The following APOBEC3H variants were observed in gnomAD, a reference collection of about 807,000 sequenced individuals.
APOBEC3H encodes the protein apolipoprotein B mRNA editing enzyme catalytic subunit 3H.
In APOBEC3H, 8 loss-of-function variants were observed where a neutral mutation model predicts 21.2. The observed-to-expected ratio is 0.38, with a 90% confidence interval of 0.22 to 0.68. The LOEUF (loss-of-function observed/expected upper bound fraction) is 0.68. APOBEC3H is among the 30% of genes least tolerant of loss of function. APOBEC3H has a pLI of 0.52. For synonymous variants in APOBEC3H, 88 were observed against 91.0 expected, an observed-to-expected ratio of 0.97 and a Z score of 0.19; for missense variants, 229 against 228.1, an observed-to-expected ratio of 1.00 and a Z score of -0.03.
Position 39,101,244 on chromosome 22 carries a change from G to A in APOBEC3H, c.158G>A (p.Cys53Tyr), listed in dbSNP as rs1176452000. ...GTTTGGGACCCTCCCCAGAAAAAGT[G>A]CCATGCAGAAATTTGCTTTATTAAC... ...TRGYFENKKKCHAEICFINEI... is the reference protein window; with the variant it reads ...TRGYFENKKKYHAEICFINEI... Residue 53 changes from cysteine (C) to tyrosine (Y), a missense_variant, in exon 3 of 5, where the codon TGC becomes TAC. Transcript: ENST00000442487. 1 of 1,603,156 alleles carries A rather than the reference G, an allele frequency of 6.2e-7. No homozygotes were observed. Among genetic ancestry groups the A allele is most frequent in the Non-Finnish European group, 8.5e-7 (1 of 1,173,564 alleles).
intron 4 of APOBEC3H, among the ~76,000 whole-genome samples, chr22:39,103,074 C>A (rs1484223231): frequency 1.3e-5 from 2 of 151,750 alleles, no homozygotes; most frequent in Admixed American, 1.3e-4. Flanking sequence ...ATCACTTGAG[C>A]CCAGGAGTTC....
At chr22:39,101,193 T>C (rs1414951959) in intron 2 of APOBEC3H, 44 bp from the exon 3 acceptor site, 1 of 1,232,438 alleles carries the variant, frequency 8.1e-7, no homozygotes, top group South Asian at 1.3e-5. Flanking sequence ...ACTCCTGGCC[T>C]CTCTCTTCTC....
intron 4 of APOBEC3H, chr22:39,102,399 C>A: frequency 1.5e-6 from 1 of 685,232 alleles, no homozygotes. Context: ...ACCTGCCTTC[C>A]TTGGCCTCCC....
At position 39,101,456 on chromosome 22, in the gene APOBEC3H, C is replaced by A. The variant is rs369920603; in HGVS notation, c.370C>A (p.Arg124=). ...HWCKPQQKGL[R]LLCGSQVPVE... Reference sequence around the variant, plus strand: ...GTGCAAGCCCCAGCAGAAGGGGCTGCGGCTTCTGTGTGGATCCCAGGTCCC... The same window carrying A: ...GTGCAAGCCCCAGCAGAAGGGGCTGAGGCTTCTGTGTGGATCCCAGGTCCC... The change falls in exon 3 of 5, where the codon CGG becomes AGG. Residue 124 remains arginine (R), a synonymous_variant. Transcript: ENST00000442487. 51 of 1,604,960 alleles carry A rather than the reference C, an allele frequency of 3.2e-5. No individual in the cohort carries two copies. The highest frequency in any genetic ancestry group is 4.1e-5 in the Non-Finnish European group (48 of 1,175,902).
In APOBEC3H at chr22:39,097,301, G is replaced by A. The variant is rs1222394209; in HGVS notation, c.-50G>A. The A allele has an allele frequency of 6.6e-6, 1 of 152,138 alleles. No homozygotes were observed. The highest frequency in any genetic ancestry group is 1.5e-5 in the Non-Finnish European group (1 of 68,052). The allele number at this position is 152,138 out of a possible 1,614,324, so 9.4% of individuals were successfully genotyped here. ...GAAACTTAGTGCCTCAGACAAGCAG[G>A]GGCAAGTCTGCTAAGGAAGCTGTGG... On this transcript the variant is annotated 5_prime_UTR_variant, in exon 1 of 5. Coordinates refer to ENST00000442487, the MANE Select transcript of APOBEC3H (RefSeq NM_181773.5).
chr22:39,101,399 G>C lies in APOBEC3H; in HGVS notation c.313G>C (p.Gly105Arg), dbSNP rs139297. The C allele has an allele frequency of 0.47, 763,452 of 1,610,706 alleles. 187,811 individuals carry two copies. The highest frequency in any genetic ancestry group is 0.82 in the African/African-American group (60,843 of 74,022). The part of the protein sequence containing the change: ...FIKAHDHLNL[G>R]IFASRLYYHW... ...CAAGGCTCACGACCATCTGAACCTG[G>C]GCATCTTCGCCTCCCGCCTGTACTA... Residue 105 changes from glycine to arginine, a missense_variant, in exon 3 of 5, where the codon GGC becomes CGC. By Grantham distance (125) the Gly-to-Arg change is moderately radical. Transcript: ENST00000442487.
rs759184375 is a variant in APOBEC3H, at chr22:39,100,421, A to C, written c.143A>C (p.Glu48Ala). The C allele has an allele frequency of 1.2e-6, 2 of 1,613,306 alleles. No homozygotes were observed. The highest frequency in any genetic ancestry group is 1.7e-6 in the Non-Finnish European group (2 of 1,179,652). Residue 48 changes from glutamate (E) to alanine (A), a missense_variant, in exon 2 of 5, where the codon GAA becomes GCA. By Grantham distance (107) the Glu-to-Ala change is moderately radical. Transcript: ENST00000442487. The stretch of plus-strand genomic sequence containing the variant: ...TCCACGCCCACGAGAGGCTACTTTG[A>C]AAACAAGGTGCCACACGGGCTCTCT... ...NGSTPTRGYF[E>A]NKKKCHAEIC...
At position 39,100,352 on chromosome 22, in the gene APOBEC3H, C is replaced by G. The variant is rs142563386; in HGVS notation, c.74C>G (p.Pro25Arg). The G allele has an allele frequency of 9.0e-5, 146 of 1,614,076 alleles. 3 individuals are homozygous for G. The East Asian group carries it at 3.1e-3, about 35-fold the overall frequency. The change falls in exon 2 of 5, where the codon CCG (proline) becomes CGG (arginine). Residue 25 changes from proline to arginine, a missense_variant. Transcript: ENST00000442487. Reference sequence around the variant, plus strand: ...CGCCGCCTCAGAAGGCCTTACTACCCGAGGAAGGCCCTCTTGTGTTACCAG... The same window carrying G: ...CGCCGCCTCAGAAGGCCTTACTACCGGAGGAAGGCCCTCTTGTGTTACCAG... The part of the protein sequence containing the change: ...NKRRLRRPYY[P>R]RKALLCYQLT...
chr22:39,100,351 C>T lies in APOBEC3H; in HGVS notation c.73C>T (p.Pro25Ser). The change falls in exon 2 of 5, where the codon CCG becomes TCG. Residue 25 changes from proline to serine, a missense_variant. Pro to Ser is a moderately conservative substitution (Grantham distance 74). Transcript: ENST00000442487. ...GCGCCGCCTCAGAAGGCCTTACTAC[C>T]CGAGGAAGGCCCTCTTGTGTTACCA... ...NKRRLRRPYY[P>S]RKALLCYQLT... 1.2e-6 allele frequency: 2 copies of T among 1,614,118 alleles called. No individual in the cohort carries two copies. The highest frequency in any genetic ancestry group is 2.2e-5 in the South Asian group (2 of 91,082).
At chr22:39,099,189 G>A (rs1929163686) in intron 1 of APOBEC3H, among the ~76,000 whole-genome samples, 1 of 152,052 alleles carries the variant, frequency 6.6e-6, no homozygotes, top group Non-Finnish European at 1.5e-5. Flanking sequence ...ACTCCAGCCT[G>A]GGCAACAGAG....
intron 4 of APOBEC3H, chr22:39,102,449 C>T: frequency 1.4e-6 from 1 of 715,546 alleles, no homozygotes; most frequent in Non-Finnish European, 2.6e-6. Context: ...CGTGCCCCGC[C>T]CCACTACCTG....
chr22:39,102,656 C>G, intron 4 of APOBEC3H: 1 of 697,740 alleles, frequency 1.4e-6, no homozygotes, highest in Non-Finnish European at 2.6e-6. Flanking sequence ...TTTGGAGTCT[C>G]CAGCGTCTAT....
Position 39,101,955 on chromosome 22 carries a change from G to A in APOBEC3H, c.456G>A (p.Glu152=). The part of the protein sequence containing the change: ...ADCWENFVDH[E]KPLSFNPYKM... Reference sequence around the variant, plus strand: ...GCTGGGAAAACTTTGTGGACCACGAGAAACCGCTTTCCTTCAACCCCTATA... The same window carrying A: ...GCTGGGAAAACTTTGTGGACCACGAAAAACCGCTTTCCTTCAACCCCTATA... Residue 152 remains glutamate, a synonymous_variant, in exon 4 of 5, where the codon GAG becomes GAA. Transcript: ENST00000442487. 2 of 1,613,856 alleles carry A rather than the reference G, an allele frequency of 1.2e-6. No individual in the cohort carries two copies. Among genetic ancestry groups the A allele is most frequent in the Non-Finnish European group, 1.7e-6 (2 of 1,179,946 alleles).
intron 1 of APOBEC3H, among the ~76,000 whole-genome samples, chr22:39,098,689 C>T (rs150754937): frequency 3.3e-5 from 5 of 152,218 alleles, no homozygotes; most frequent in African/African-American, 1.2e-4. Context: ...GAGAGGTCAC[C>T]CCGGCCCTGC....
Position 39,101,279 on chromosome 22 carries a change from T to C in APOBEC3H, c.193T>C (p.Ser65Pro). 6.2e-7 allele frequency: 1 copy of C among 1,613,294 alleles called. No homozygotes were observed. Among genetic ancestry groups the C allele is most frequent in the Non-Finnish European group, 8.5e-7 (1 of 1,179,874 alleles). Residue 65 changes from serine to proline, a missense_variant, in exon 3 of 5, where the codon TCC (serine) becomes CCC (proline). Physicochemically the swap from Ser to Pro is moderately conservative, Grantham distance 74. Coordinates refer to ENST00000442487, the MANE Select transcript of APOBEC3H (RefSeq NM_181773.5). ...AEICFINEIK[S>P]MGLDETQCYQ... ...AATTTGCTTTATTAACGAGATCAAG[T>C]CCATGGGACTGGACGAAACGCAGTG...
Position 39,102,023 on chromosome 22 carries a change from G to T in APOBEC3H, c.524G>T (p.Arg175Leu). ...GATAAAAACAGTCGAGCCATAAAGC[G>T]ACGGCTTGAGAGGATAAAGGTGAGG... ...ELDKNSRAIK[R>L]RLERIKQS The change falls in exon 4 of 5, where the codon CGA (arginine) becomes CTA (leucine). Residue 175 changes from arginine to leucine, a missense_variant. By Grantham distance (102) the Arg-to-Leu change is moderately radical. Coordinates refer to ENST00000442487, the MANE Select transcript of APOBEC3H (RefSeq NM_181773.5). 1.2e-6 allele frequency: 2 copies of T among 1,613,868 alleles called. No homozygotes were observed. The highest frequency in any genetic ancestry group is 1.7e-6 in the Non-Finnish European group (2 of 1,179,914).
At chr22:39,102,535 T>A in intron 4 of APOBEC3H, 1 of 718,300 alleles carries the variant, frequency 1.4e-6, no homozygotes, top group Non-Finnish European at 2.6e-6. Flanking sequence ...GTGCGCAGGG[T>A]CGTTACATGG....
At chr22:39,103,064 A>G (rs192303592) in intron 4 of APOBEC3H, among the ~76,000 whole-genome samples, 71 of 151,458 alleles carry the variant, frequency 4.7e-4, no homozygotes, top group African/African-American at 1.6e-3. Flanking sequence ...AGGCGGGTGG[A>G]TCACTTGAGC....
intron 4 of APOBEC3H, among the ~76,000 whole-genome samples, 177 bp from the exon 5 acceptor site, chr22:39,103,512 G>A (rs1929485977): frequency 6.6e-6 from 1 of 152,204 alleles, no homozygotes; most frequent in Non-Finnish European, 1.5e-5. Context: ...AGAGTAAACA[G>A]ACAATCTCCC....
Sources: gnomAD v4.1 joint callset for allele counts (sites outside exome capture counted in the v4.1 genomes callset) on GRCh38, gnomAD v4.1.1 for gene constraint, MANE v1.5 for transcripts, NCBI Gene and HGNC (gene_info 2026-07-23, HGNC 2026-07-21) for gene names.